Variants in BCL11A observed in about 807,000 individuals in gnomAD.
BCL11A encodes BCL11 transcription factor A, also known as B cell CLL/lymphoma 11A.
A neutral mutation model predicts 55.9 loss-of-function variants in BCL11A; 2 were observed. That is an observed-to-expected ratio of 0.04 (90% CI 0.01 to 0.11). The LOEUF (loss-of-function observed/expected upper bound fraction) is 0.11, where lower values mean the gene tolerates loss of function less well. BCL11A is among the 10% of genes least tolerant of loss of function. BCL11A has a pLI of 1.00. For synonymous variants in BCL11A, 465 were observed against 473.4 expected (o/e 0.98, Z 0.23); for missense variants, 817 against 1,137.1 (o/e 0.72, Z 4.05).
chr2:60,468,008 ATGG>A (rs1228744266), intron 3 of BCL11A, among the ~76,000 whole-genome samples: 13 of 11,022 alleles, frequency 1.2e-3, no homozygotes, highest in Admixed American at 2.6e-3. Flanking sequence ...GGTGGTGGTG[ATGG>A]TGGTGGTGGT....
At chr2:60,493,726 C>A (rs527776051) in intron 2 of BCL11A, among the ~76,000 whole-genome samples, 3 of 152,266 alleles carry the variant, frequency 2.0e-5, no homozygotes, top group African/African-American at 7.2e-5. Context: ...TCTACCTTGC[C>A]AAAGGCCTTG....
intron 2 of BCL11A, among the ~76,000 whole-genome samples, chr2:60,481,670 C>G (rs183409621): frequency 9.2e-5 from 14 of 152,318 alleles, no homozygotes; most frequent in African/African-American, 3.1e-4. Context: ...CGCTCCACCC[C>G]CTACATCTTT....
chr2:60,527,983 C>CGGATCATATGGAGCT (rs1669279200), intron 2 of BCL11A: 2 of 152,204 alleles, frequency 1.3e-5, no homozygotes, highest in Admixed American at 1.3e-4. Flanking sequence ...AAGCCACATG[C>CGGATCATATGGAGCT]GGATCATATG....
chr2:60,470,721 G>A (rs985430210), intron 2 of BCL11A, among the ~76,000 whole-genome samples: 52 of 152,146 alleles, frequency 3.4e-4, no homozygotes, highest in East Asian at 1.3e-3. Flanking sequence ...ACAAGCTGAC[G>A]GCAGGACCAG....
chr2:60,523,131 T>G (rs1161893907), intron 2 of BCL11A, among the ~76,000 whole-genome samples: 2 of 152,200 alleles, frequency 1.3e-5, no homozygotes, highest in Non-Finnish European at 2.9e-5. Context: ...TGAAGTCCAT[T>G]TAACCAGATG....
At chr2:60,539,367 C>G (rs1402665834) in intron 2 of BCL11A, among the ~76,000 whole-genome samples, 2 of 152,230 alleles carry the variant, frequency 1.3e-5, no homozygotes, top group East Asian at 3.8e-4. Context: ...CACCACCCCC[C>G]ATGCCTCAAA....
chr2:60,471,072 T>C (rs1340327591), intron 2 of BCL11A, among the ~76,000 whole-genome samples: 1 of 152,206 alleles, frequency 6.6e-6, no homozygotes, highest in Non-Finnish European at 1.5e-5. Flanking sequence ...ACTGATCCAT[T>C]AAGCAGTACT....
chr2:60,523,147 G>A (rs1669066132), intron 2 of BCL11A, among the ~76,000 whole-genome samples: 1 of 152,216 alleles, frequency 6.6e-6, no homozygotes, highest in South Asian at 2.1e-4. Context: ...AGATGCAGAG[G>A]CAGGTCACAG....
chr2:60,502,304 G>C (rs1679335509), intron 2 of BCL11A, among the ~76,000 whole-genome samples: 1 of 152,194 alleles, frequency 6.6e-6, no homozygotes, highest in African/African-American at 2.4e-5. Context: ...CAGGGAGTAG[G>C]TAAACAGTGT....
At chr2:60,477,785 T>C (rs1295881241) in intron 2 of BCL11A, among the ~76,000 whole-genome samples, 3 of 151,500 alleles carry the variant, frequency 2.0e-5, no homozygotes, top group Non-Finnish European at 4.4e-5. Context: ...GTGGAGGGCT[T>C]TCCTGACTTA....
At chr2:60,487,041 G>T (rs1156552195) in intron 2 of BCL11A, among the ~76,000 whole-genome samples, 1 of 152,242 alleles carries the variant, frequency 6.6e-6, no homozygotes, top group Admixed American at 6.5e-5. Flanking sequence ...TTGCTATTCA[G>T]GCATTTAGGA....
intron 2 of BCL11A, chr2:60,522,263 G>A (rs1669027428): frequency 6.6e-6 from 1 of 152,166 alleles, no homozygotes; most frequent in South Asian, 2.1e-4. Context: ...TATTATTTAA[G>A]TTGATCCCAG....
At chr2:60,474,607 G>A (rs1186355035) in intron 2 of BCL11A, among the ~76,000 whole-genome samples, 2 of 152,254 alleles carry the variant, frequency 1.3e-5, no homozygotes, top group African/African-American at 4.8e-5. Flanking sequence ...CTAGGAGACT[G>A]AGAGGGCAGC....
chr2:60,483,490 T>C (rs1183450283), intron 2 of BCL11A, among the ~76,000 whole-genome samples: 1 of 152,214 alleles, frequency 6.6e-6, no homozygotes, highest in Non-Finnish European at 1.5e-5. Context: ...CCCCAGTCTG[T>C]TTCTCTGTCC....
intron 1 of BCL11A, among the ~76,000 whole-genome samples, chr2:60,548,617 TA>T (rs752358508): frequency 1.3e-5 from 2 of 152,216 alleles, no homozygotes; most frequent in African/African-American, 2.4e-5. Flanking sequence ...TGTACAGATA[TA>T]AAACCTGTAA....
chr2:60,521,800 T>C (rs1203241343), intron 2 of BCL11A, among the ~76,000 whole-genome samples: 1 of 152,172 alleles, frequency 6.6e-6, no homozygotes. Flanking sequence ...CAGCTGCTTC[T>C]TCCTGACCCT....
In BCL11A at chr2:60,458,399, C is replaced by T. The variant is rs1485332726; in HGVS notation, c.*2005G>A. On this transcript the variant is annotated 3_prime_UTR_variant, in exon 4 of 4. Transcript: ENST00000642384. Reference sequence around the variant, plus strand: ...AATGGAACCCTAAAATGCAGTTCCCCCCTAAACATAATGAAGTGTTTTTTA... The same window carrying T: ...AATGGAACCCTAAAATGCAGTTCCCTCCTAAACATAATGAAGTGTTTTTTA... 9.8e-7 allele frequency: 1 copy of T among 1,021,696 alleles called. No individual in the cohort carries two copies. Among genetic ancestry groups the T allele is most frequent in the Non-Finnish European group, 1.2e-6 (1 of 851,056 alleles). 63.3% of individuals were successfully genotyped at this position (1,021,696 alleles called of 1,614,324 possible).
At chr2:60,528,896 A>G (rs760483717) in intron 2 of BCL11A, among the ~76,000 whole-genome samples, 1 of 152,226 alleles carries the variant, frequency 6.6e-6, no homozygotes, top group Non-Finnish European at 1.5e-5. Context: ...CATGGACTCT[A>G]TGAGGTAAGG....
chr2:60,467,117 GTGGTGGTGGTGA>G (rs1676675769), intron 3 of BCL11A, among the ~76,000 whole-genome samples: 2 of 118,774 alleles, frequency 1.7e-5, no homozygotes, highest in Non-Finnish European at 1.8e-5. Flanking sequence ...GGTAGTGGTG[GTGGTGGTGGTGA>G]TGGTGGTGTT....
Sources: gnomAD v4.1 joint callset for allele counts (sites outside exome capture counted in the v4.1 genomes callset) on GRCh38, gnomAD v4.1.1 for gene constraint, MANE v1.5 for transcripts, NCBI Gene and HGNC (gene_info 2026-07-23, HGNC 2026-07-21) for gene names.